MAP6: variants seen among roughly 807,000 people sequenced by gnomAD.
MAP6 encodes microtubule-associated protein 6.
A neutral mutation model predicts 42.4 loss-of-function variants in MAP6; 26 were observed. That is an observed-to-expected ratio of 0.61 (90% CI 0.45 to 0.85). The LOEUF (loss-of-function observed/expected upper bound fraction) is 0.85. Ranked by LOEUF, MAP6 falls within the 40% of genes least tolerant of loss-of-function variation. The pLI is 0.00. For synonymous variants in MAP6, 418 were observed against 443.8 expected (o/e 0.94, Z 0.73); for missense variants, 966 against 1,099.0 (o/e 0.88, Z 1.71).
chr11:75,654,785 C>CT (rs1233524282), intron 1 of MAP6, among the ~76,000 whole-genome samples: 1 of 152,216 alleles, frequency 6.6e-6, no homozygotes, highest in Non-Finnish European at 1.5e-5. Flanking sequence ...GAAGTCACAA[C>CT]TGTGTAGTTA....
intron 1 of MAP6, among the ~76,000 whole-genome samples, chr11:75,654,253 G>A (rs1300655486): frequency 2.6e-5 from 4 of 152,148 alleles, no homozygotes; most frequent in Non-Finnish European, 5.9e-5. Flanking sequence ...GACATCAGAG[G>A]AAAGCAGGAA....
intron 1 of MAP6, among the ~76,000 whole-genome samples, chr11:75,616,798 A>G (rs1259331451): frequency 6.6e-6 from 1 of 152,230 alleles, no homozygotes; most frequent in African/African-American, 2.4e-5. Context: ...AAAGTATTGC[A>G]TAGAGAATGC....
intron 1 of MAP6, among the ~76,000 whole-genome samples, chr11:75,657,343 C>T (rs1943768941): frequency 6.6e-6 from 1 of 152,126 alleles, no homozygotes; most frequent in African/African-American, 2.4e-5. Flanking sequence ...GATTTCCTGA[C>T]CTCGTGATCC....
intron 1 of MAP6, among the ~76,000 whole-genome samples, chr11:75,616,092 GTT>G (rs1451806443): frequency 6.6e-6 from 1 of 152,158 alleles, no homozygotes; most frequent in Non-Finnish European, 1.5e-5. Flanking sequence ...TAAGGAACAA[GTT>G]TTACTGCTGT....
chr11:75,654,302 T>G (rs1289105246), intron 1 of MAP6, among the ~76,000 whole-genome samples: 19 of 152,322 alleles, frequency 1.2e-4, no homozygotes, highest in African/African-American at 4.6e-4. Flanking sequence ...CCCTTCTGAA[T>G]TTTTATCTCA....
intron 1 of MAP6, among the ~76,000 whole-genome samples, chr11:75,655,842 T>C (rs1364575668): frequency 6.6e-6 from 1 of 152,206 alleles, no homozygotes; most frequent in Non-Finnish European, 1.5e-5. Flanking sequence ...TGAGGAGAAT[T>C]AGATTCCTGA....
At chr11:75,606,699 G>C (rs1362968376) in intron 2 of MAP6, among the ~76,000 whole-genome samples, 1 of 152,186 alleles carries the variant, frequency 6.6e-6, no homozygotes, top group Admixed American at 6.5e-5. Flanking sequence ...GGCATCTCCA[G>C]TCTCAGCTAG....
In MAP6 at chr11:75,622,405, C is replaced by T. The variant is rs1943126502; in HGVS notation, c.906-14083G>A. Reference sequence around the variant, plus strand: ...GATTACATGTATGAGCCACTGCACTCAGCCAGTAATAAATGTAAAAAAAGA... The same window carrying T: ...GATTACATGTATGAGCCACTGCACTTAGCCAGTAATAAATGTAAAAAAAGA... On this transcript the variant is annotated intron_variant, in intron 1 of 3. Coordinates refer to ENST00000304771, the MANE Select transcript of MAP6 (RefSeq NM_033063.2). Among the ~76,000 whole-genome samples the T allele has an allele frequency of 2.0e-5, 3 of 152,124 alleles. No homozygotes were observed. In the South Asian group the frequency reaches 6.2e-4, roughly 32 times the overall value.
At chr11:75,642,687 T>C (rs1022457258) in intron 1 of MAP6, 1 of 216,108 alleles carries the variant, frequency 4.6e-6, no homozygotes, top group East Asian at 1.0e-4. Context: ...GGCCTTCCAC[T>C]TTCAGAAGGT....
intron 1 of MAP6, among the ~76,000 whole-genome samples, chr11:75,612,961 GGATAA>G (rs1341004915): frequency 2.0e-5 from 3 of 152,102 alleles, no homozygotes; most frequent in African/African-American, 4.8e-5. Context: ...CTCTCTTAAA[GGATAA>G]GATAAGACAA....
At position 75,588,067 on chromosome 11, in the gene MAP6, C is replaced by T. The variant is rs772667134; in HGVS notation, c.1434G>A (p.Val478=). 5 of 1,613,632 alleles carry T rather than the reference C, an allele frequency of 3.1e-6. No homozygotes were observed. In the South Asian group the frequency reaches 5.5e-5, roughly 18 times the overall value. Residue 478 remains valine (V), a synonymous_variant, in exon 4 of 4, where the codon GTG becomes GTA. Coordinates refer to ENST00000304771, the MANE Select transcript of MAP6 (RefSeq NM_033063.2). ...AACCTTGCTTCTTCAGAGGCTCTTG[C>T]ACCATAGGACCTTGACCTTTCAGAA... ...PGLLKGQGPM[V]QEPLKKQGSV...
chr11:75,603,110 C>G (rs1274022168), intron 3 of MAP6: 1 of 985,458 alleles, frequency 1.0e-6, no homozygotes, highest in African/African-American at 1.7e-5. Context: ...CTCAGAGAGG[C>G]AAAGAAAGCT....
chr11:75,617,744 A>T (rs926071344), intron 1 of MAP6, among the ~76,000 whole-genome samples: 1 of 152,018 alleles, frequency 6.6e-6, no homozygotes, highest in African/African-American at 2.4e-5. Flanking sequence ...TAAGAGATAG[A>T]TGAGAAGTGA....
chr11:75,628,058 G>C (rs187206915), intron 1 of MAP6, among the ~76,000 whole-genome samples: 2 of 152,320 alleles, frequency 1.3e-5, no homozygotes, highest in African/African-American at 4.8e-5. Context: ...TGGAGCCATA[G>C]CTGACTCATC....
At position 75,668,159 on chromosome 11, in the gene MAP6, G is replaced by T; in HGVS notation, c.211C>A (p.Pro71Thr). The change falls in exon 1 of 4, where the codon CCA becomes ACA. Residue 71 changes from proline to threonine, a missense_variant. Physicochemically the swap from Pro to Thr is conservative, Grantham distance 38 (BLOSUM62 -1). Transcript: ENST00000304771. Reference protein sequence around the residue: ...SARAVAIETQPAQGELDAVAR... With the variant: ...SARAVAIETQTAQGELDAVAR... Reference sequence around the variant, plus strand: ...ACTGCATCCAACTCGCCCTGGGCTGGCTGCGTCTCTATGGCAACCGCGCGC... The same window carrying T: ...ACTGCATCCAACTCGCCCTGGGCTGTCTGCGTCTCTATGGCAACCGCGCGC... The T allele has an allele frequency of 1.6e-6, 2 of 1,228,628 alleles. No homozygotes were observed. The highest frequency in any genetic ancestry group is 6.1e-4 in the Middle Eastern group (2 of 3,260). 76.1% of individuals were successfully genotyped at this position (1,228,628 alleles called of 1,614,324 possible).
intron 1 of MAP6, among the ~76,000 whole-genome samples, chr11:75,643,452 A>G (rs1487402011): frequency 6.6e-6 from 1 of 152,148 alleles, no homozygotes. Flanking sequence ...TTACAACCCC[A>G]AAGATTAGTA....
chr11:75,607,322 C>T, intron 2 of MAP6: 4 of 985,434 alleles, frequency 4.1e-6, no homozygotes, highest in Non-Finnish European at 4.8e-6. Context: ...AGTTCTCAGG[C>T]ATTTTCTGCT....
chr11:75,643,831 G>C (rs1467821266), intron 1 of MAP6, among the ~76,000 whole-genome samples: 1 of 152,138 alleles, frequency 6.6e-6, no homozygotes, highest in East Asian at 1.9e-4. Flanking sequence ...AAGGTAAAGA[G>C]CTCCCCCAAG....
chr11:75,627,142 T>G (rs1041746401), intron 1 of MAP6, among the ~76,000 whole-genome samples: 11 of 152,328 alleles, frequency 7.2e-5, no homozygotes, highest in Middle Eastern at 3.4e-3. Context: ...TCTGTGAGAT[T>G]CAAAAATCAT....
Sources: allele counts gnomAD v4.1 joint callset (sites outside exome capture counted in the v4.1 genomes callset), GRCh38; gene constraint gnomAD v4.1.1; transcripts MANE v1.5; gene names NCBI Gene and HGNC (gene_info 2026-07-23, HGNC 2026-07-21).